Variants in TRAPPC9 observed in about 807,000 individuals in gnomAD.
TRAPPC9 encodes IKK2 binding protein.
Under a neutral mutation model 124.0 loss-of-function variants are expected in TRAPPC9, and 83 were observed. The observed-to-expected ratio is 0.67, with a 90% confidence interval of 0.56 to 0.80. The LOEUF (loss-of-function observed/expected upper bound fraction) is 0.80. Among genes scored for constraint, TRAPPC9 ranks in the 30% least tolerant of loss-of-function variants. The pLI is 0.00. For synonymous variants in TRAPPC9, 638 were observed against 617.5 expected, an observed-to-expected ratio of 1.03 and a Z score of -0.49; for missense variants, 1,302 against 1,508.3, an observed-to-expected ratio of 0.86 and a Z score of 2.27.
chr8:140,349,191 C>T (rs2067448031), intron 9 of TRAPPC9, among the ~76,000 whole-genome samples: 1 of 116,446 alleles, frequency 8.6e-6, no homozygotes. Flanking sequence ...CACCAGGGGG[C>T]CGAAGGAGGC....
At chr8:140,188,212 G>A (rs890906862) in intron 17 of TRAPPC9, among the ~76,000 whole-genome samples, 55 of 152,194 alleles carry the variant, frequency 3.6e-4, no homozygotes, top group African/African-American at 1.2e-3. Flanking sequence ...GAGTGACAGT[G>A]TCACTGCCTT....
chr8:140,038,438 T>A (rs1241125912), intron 17 of TRAPPC9, among the ~76,000 whole-genome samples: 1 of 152,324 alleles, frequency 6.6e-6, no homozygotes, highest in East Asian at 1.9e-4. Context: ...AATGACAGTA[T>A]TGTGGGGAAC....
At chr8:140,335,502 A>G (rs934482113) in intron 9 of TRAPPC9, among the ~76,000 whole-genome samples, 21 of 152,278 alleles carry the variant, frequency 1.4e-4, no homozygotes, top group Middle Eastern at 3.4e-3. Flanking sequence ...GAAACATAGA[A>G]GGAAAAGAGA....
At chr8:139,784,686 A>G (rs1039336504) in intron 21 of TRAPPC9, among the ~76,000 whole-genome samples, 64 of 148,120 alleles carry the variant, frequency 4.3e-4, no homozygotes, top group African/African-American at 1.5e-3. Flanking sequence ...AGCAATTGGA[A>G]ATCAAAACTT....
intron 17 of TRAPPC9, among the ~76,000 whole-genome samples, chr8:140,199,187 G>C (rs962334878): frequency 6.6e-6 from 1 of 152,116 alleles, no homozygotes; most frequent in Non-Finnish European, 1.5e-5. Context: ...AGTCACCTGG[G>C]GGTCTGTGGA....
intron 20 of TRAPPC9, among the ~76,000 whole-genome samples, chr8:139,902,594 A>G (rs1831089616): frequency 6.6e-6 from 1 of 152,286 alleles, no homozygotes; most frequent in African/African-American, 2.4e-5. Context: ...ATTCATTTAG[A>G]GAAAACTATT....
chr8:140,164,899 C>G (rs1291467089), intron 17 of TRAPPC9, among the ~76,000 whole-genome samples: 1 of 152,198 alleles, frequency 6.6e-6, no homozygotes, highest in Non-Finnish European at 1.5e-5. Flanking sequence ...CTCTCACCCC[C>G]ACCAGCAGCA....
chr8:140,115,903 G>A (rs930126521), intron 17 of TRAPPC9, among the ~76,000 whole-genome samples: 1 of 152,294 alleles, frequency 6.6e-6, no homozygotes, highest in South Asian at 2.1e-4. Context: ...GACAGTGCTC[G>A]TGAACACCTA....
At chr8:139,953,545 T>C (rs1834796000) in intron 19 of TRAPPC9, among the ~76,000 whole-genome samples, 1 of 151,354 alleles carries the variant, frequency 6.6e-6, no homozygotes, top group African/African-American at 2.4e-5. Flanking sequence ...AGAAAAGACA[T>C]AGAAGACATG....
chr8:140,451,854 C>A (rs1251300814), intron 1 of TRAPPC9, among the ~76,000 whole-genome samples: 1 of 152,188 alleles, frequency 6.6e-6, no homozygotes, highest in Non-Finnish European at 1.5e-5. Context: ...GGCATGGTGG[C>A]TCATGCCTGT....
intron 15 of TRAPPC9, among the ~76,000 whole-genome samples, chr8:140,254,922 A>G (rs2064212665): frequency 6.6e-6 from 1 of 152,254 alleles, no homozygotes; most frequent in Admixed American, 6.5e-5. Context: ...TGAACCTCAC[A>G]GGAGCTCAGG....
At chr8:140,339,410 T>C (rs900853871) in intron 9 of TRAPPC9, among the ~76,000 whole-genome samples, 2 of 152,236 alleles carry the variant, frequency 1.3e-5, no homozygotes, top group Non-Finnish European at 2.9e-5. Flanking sequence ...CAATCAAATC[T>C]GAGATTCAGT....
At chr8:140,167,683 G>A (rs1036825700) in intron 17 of TRAPPC9, among the ~76,000 whole-genome samples, 13 of 152,234 alleles carry the variant, frequency 8.5e-5, no homozygotes, top group Admixed American at 2.0e-4. Context: ...GCTCAAGTAC[G>A]AAGATGGGGC....
chr8:140,167,682 C>T (rs1253257702), intron 17 of TRAPPC9, among the ~76,000 whole-genome samples: 3 of 152,186 alleles, frequency 2.0e-5, no homozygotes, highest in African/African-American at 4.8e-5. Context: ...AGCTCAAGTA[C>T]GAAGATGGGG....
chr8:140,061,372 G>A (rs912832834), intron 17 of TRAPPC9, among the ~76,000 whole-genome samples: 18 of 152,118 alleles, frequency 1.2e-4, no homozygotes, highest in African/African-American at 1.9e-4. Flanking sequence ...AGAGCATTTC[G>A]TGAATACCTA....
intron 7 of TRAPPC9, among the ~76,000 whole-genome samples, chr8:140,382,432 C>A (rs1563987376): frequency 6.6e-6 from 1 of 152,244 alleles, no homozygotes; most frequent in Non-Finnish European, 1.5e-5. Context: ...AATCGGGTCA[C>A]TCCCACCCTA....
intron 2 of TRAPPC9, among the ~76,000 whole-genome samples, chr8:140,442,303 A>T (rs1234492369): frequency 6.6e-6 from 1 of 152,200 alleles, no homozygotes; most frequent in Non-Finnish European, 1.5e-5. Context: ...TTTAAATTGT[A>T]TAAAAACAAA....
chr8:139,886,985 TC>T (rs1260865480), intron 20 of TRAPPC9, among the ~76,000 whole-genome samples: 1 of 152,142 alleles, frequency 6.6e-6, no homozygotes, highest in Non-Finnish European at 1.5e-5. Context: ...CCCCTGGGTC[TC>T]TCCTGCTGGC....
At chr8:140,418,255 G>A (rs1009668484) in intron 5 of TRAPPC9, among the ~76,000 whole-genome samples, 1 of 152,166 alleles carries the variant, frequency 6.6e-6, no homozygotes, top group Non-Finnish European at 1.5e-5. Flanking sequence ...GTCTTCAATG[G>A]TGAATTCTAC....
Sources: gnomAD v4.1 joint callset for allele counts (sites outside exome capture counted in the v4.1 genomes callset) on GRCh38, gnomAD v4.1.1 for gene constraint, MANE v1.5 for transcripts, NCBI Gene and HGNC (gene_info 2026-07-23, HGNC 2026-07-21) for gene names.